Variants in SLC35F3 observed in about 807,000 individuals in gnomAD.
SLC35F3 encodes the protein solute carrier family 35 member F3.
SLC35F3 carries 25 observed loss-of-function variants against 49.9 expected under a neutral mutation model. The observed-to-expected ratio is 0.50, with a 90% CI of 0.37 to 0.70. The LOEUF is 0.70. Ranked by LOEUF, SLC35F3 falls within the 30% of genes least tolerant of loss-of-function variation. SLC35F3 has a pLI of 0.00. For synonymous variants in SLC35F3, 275 were observed against 265.4 expected (o/e 1.04, Z -0.35); for missense variants, 525 against 639.8 (o/e 0.82, Z 1.94).
intron 2 of SLC35F3, among the ~76,000 whole-genome samples, chr1:233,912,077 G>T (rs750981950): frequency 6.6e-6 from 1 of 152,156 alleles, no homozygotes; most frequent in African/African-American, 2.4e-5. Flanking sequence ...GGATGCTCTG[G>T]CCCTGCAGCC....
At chr1:233,991,573 C>T (rs10910323) in intron 2 of SLC35F3, among the ~76,000 whole-genome samples, 46,722 of 152,046 alleles carry the variant, frequency 0.31, 8,548 homozygotes, top group Non-Finnish European at 0.42. Flanking sequence ...TGTCCAAAAG[C>T]GATGAACTTT....
intron 3 of SLC35F3, among the ~76,000 whole-genome samples, chr1:234,234,159 GAGA>G (rs1667427313): frequency 6.6e-6 from 1 of 151,870 alleles, no homozygotes; most frequent in Admixed American, 6.6e-5. Context: ...TAATGCCAGA[GAGA>G]AGATTTTGAT....
intron 2 of SLC35F3, among the ~76,000 whole-genome samples, chr1:234,101,667 C>T (rs538627601): frequency 6.6e-6 from 1 of 152,210 alleles, no homozygotes; most frequent in Non-Finnish European, 1.5e-5. Context: ...CTTTTCTAGA[C>T]CTTTCTATAC....
chr1:234,320,239 C>A lies in SLC35F3; in HGVS notation c.1237+52C>A. 1 of 1,285,998 alleles carries A rather than the reference C, an allele frequency of 7.8e-7. No homozygotes were observed. The highest frequency in any genetic ancestry group is 1.1e-6 in the Non-Finnish European group (1 of 883,182). The allele number at this position is 1,285,998 out of a possible 1,614,324, so 79.7% of individuals were successfully genotyped here. A position where few individuals can be genotyped will look rare whatever the true frequency, so the allele number is the denominator to read the frequency against. The stretch of plus-strand genomic sequence containing the variant: ...GCACATAAGCACACACACTCAGTCA[C>A]CTACTCACACACACATACACACACT... On this transcript the variant is annotated intron_variant, in intron 7 of 7. Coordinates refer to ENST00000366618, the MANE Select transcript of SLC35F3 (RefSeq NM_173508.4). This position sits in a 1 kb window ranked among gnomAD's most constrained non-coding sequence, Gnocchi z 4.8.
chr1:234,317,199 A>C (rs1458646384), intron 5 of SLC35F3, among the ~76,000 whole-genome samples: 1 of 152,218 alleles, frequency 6.6e-6, no homozygotes, highest in Non-Finnish European at 1.5e-5. Context: ...ACTGCCTTGA[A>C]GGCTAAATAA....
intron 2 of SLC35F3, among the ~76,000 whole-genome samples, chr1:234,193,267 T>C (rs1274850820): frequency 6.6e-6 from 1 of 152,052 alleles, no homozygotes; most frequent in East Asian, 1.9e-4. Context: ...CGGAACAGAA[T>C]ACAGAACCCA....
At chr1:234,260,771 G>A (rs370107147) in intron 3 of SLC35F3, among the ~76,000 whole-genome samples, 5 of 152,248 alleles carry the variant, frequency 3.3e-5, no homozygotes, top group African/African-American at 1.2e-4. Context: ...ACATGGCACC[G>A]GGAGAAACTC....
intron 2 of SLC35F3, among the ~76,000 whole-genome samples, chr1:234,220,968 A>C (rs1485151803): frequency 6.6e-6 from 1 of 152,188 alleles, no homozygotes; most frequent in African/African-American, 2.4e-5. Flanking sequence ...ATGGAAATAA[A>C]TGGGCAAGCA....
chr1:234,202,091 G>A (rs951464005), intron 2 of SLC35F3, among the ~76,000 whole-genome samples: 7 of 152,084 alleles, frequency 4.6e-5, no homozygotes, highest in African/African-American at 1.7e-4. Context: ...AAAAGATCAC[G>A]TCCTTTGCAG....
At chr1:233,949,384 T>C (rs1287870234) in intron 2 of SLC35F3, among the ~76,000 whole-genome samples, 2 of 152,222 alleles carry the variant, frequency 1.3e-5, no homozygotes, top group African/African-American at 4.8e-5. Context: ...AACATCGTGA[T>C]GTTCACGGAT....
Position 234,231,432 on chromosome 1 carries a change from G to A in SLC35F3, c.299G>A (p.Arg100Gln), listed in dbSNP as rs778779444. 7 of 1,579,100 alleles carry A rather than the reference G, an allele frequency of 4.4e-6. No individual in the cohort carries two copies. Among genetic ancestry groups the A allele is most frequent in the South Asian group, 2.3e-5 (2 of 86,234 alleles). ...AASCKREERP[R>Q]DSPGPAEAQA... ...TCTTCCCCAGGGGAGGAGCGCCCCC[G>A]GGACTCCCCGGGCCCGGCGGAGGCC... Residue 100 changes from arginine to glutamine, a missense_variant, in exon 3 of 8, where the codon CGG becomes CAG. By Grantham distance (43) the Arg-to-Gln change is conservative. Coordinates refer to ENST00000366618, the MANE Select transcript of SLC35F3 (RefSeq NM_173508.4). The surrounding 1 kb of genome is among the most constrained non-coding windows in gnomAD (Gnocchi z 5.4).
chr1:234,100,148 G>A (rs1665192740), intron 2 of SLC35F3, among the ~76,000 whole-genome samples: 1 of 152,026 alleles, frequency 6.6e-6, no homozygotes, highest in Non-Finnish European at 1.5e-5. Flanking sequence ...CAAAAGAAGA[G>A]GAAGAAACTA....
At chr1:233,912,722 A>G (rs1661901521) in intron 2 of SLC35F3, among the ~76,000 whole-genome samples, 1 of 152,226 alleles carries the variant, frequency 6.6e-6, no homozygotes. Flanking sequence ...GGGATGATTC[A>G]CATCCTGGGT....
In SLC35F3 at chr1:234,090,570, C is replaced by T. The variant is rs915716226; in HGVS notation, c.284-140847C>T. Among the ~76,000 whole-genome samples, 6 of 152,122 alleles carry T rather than the reference C, an allele frequency of 3.9e-5. No homozygotes were observed. In the East Asian group the frequency reaches 5.8e-4, roughly 15 times the overall value. On this transcript the variant is annotated intron_variant, in intron 2 of 7. Transcript: ENST00000366618. Reference sequence around the variant, plus strand: ...TATGGGGAAAGTTAACTGGCAGGTACGAAAGGTGAGGTAATCAGGGTTTCT... The same window carrying T: ...TATGGGGAAAGTTAACTGGCAGGTATGAAAGGTGAGGTAATCAGGGTTTCT...
rs770120277 is a variant in SLC35F3 at position 234,320,228 on chromosome 1, ACACT to A, written c.1237+44_1237+47del. 4.2e-6 allele frequency: 6 copies of A among 1,412,868 alleles called. No individual in the cohort carries two copies. In the South Asian group the frequency reaches 5.7e-5, roughly 14 times the overall value. The allele number at this position is 1,412,868 out of a possible 1,614,324, so 87.5% of individuals were successfully genotyped here. Reference sequence around the variant, plus strand: ...TTTCTATATCTGCACATAAGCACACACACTCAGTCACCTACTCACACACACATAC... The same window carrying A: ...TTTCTATATCTGCACATAAGCACACACAGTCACCTACTCACACACACATAC... On this transcript the variant is annotated intron_variant, in intron 7 of 7. Coordinates refer to ENST00000366618, the MANE Select transcript of SLC35F3 (RefSeq NM_173508.4). This position sits in a 1 kb window ranked among gnomAD's most constrained non-coding sequence, Gnocchi z 4.8.
At chr1:234,206,760 G>T (rs1474304064) in intron 2 of SLC35F3, among the ~76,000 whole-genome samples, 1 of 152,096 alleles carries the variant, frequency 6.6e-6, no homozygotes, top group Non-Finnish European at 1.5e-5. Context: ...AAAGGGCTTC[G>T]CAGTGCGTAG....
intron 2 of SLC35F3, among the ~76,000 whole-genome samples, chr1:234,016,835 G>A (rs978684863): frequency 5.9e-5 from 9 of 152,168 alleles, no homozygotes; most frequent in Non-Finnish European, 1.2e-4. Context: ...CCGGTCTAAG[G>A]TTTGTGCCTT....
chr1:234,312,318 G>A (rs1294724237), intron 4 of SLC35F3, among the ~76,000 whole-genome samples: 1 of 152,190 alleles, frequency 6.6e-6, no homozygotes, highest in Non-Finnish European at 1.5e-5. Flanking sequence ...GAGCCAGAAG[G>A]TGAGCTAAGA....
At chr1:234,245,668 G>T (rs1667620512) in intron 3 of SLC35F3, among the ~76,000 whole-genome samples, 1 of 152,162 alleles carries the variant, frequency 6.6e-6, no homozygotes, top group Non-Finnish European at 1.5e-5. Context: ...CTCAACAGCT[G>T]GGGGCTAGGC....
Sources: allele counts gnomAD v4.1 joint callset (sites outside exome capture counted in the v4.1 genomes callset), GRCh38; gene constraint gnomAD v4.1.1; non-coding constraint Gnocchi (gnomAD v3.1); transcripts MANE v1.5; gene names NCBI Gene and HGNC (gene_info 2026-07-23, HGNC 2026-07-21).